SAMD8: variants seen among roughly 807,000 people sequenced by gnomAD.
The protein encoded by SAMD8 is sterile alpha motif domain containing 8.
A neutral mutation model predicts 42.0 loss-of-function variants in SAMD8; 20 were observed. That is an observed-to-expected ratio of 0.48 (90% CI 0.34 to 0.69). The LOEUF (loss-of-function observed/expected upper bound fraction) is 0.69, where lower values mean the gene tolerates loss of function less well. SAMD8 is among the 30% of genes least tolerant of loss of function. The probability of loss-of-function intolerance (pLI) is 0.01; values close to 1 mark genes in which losing one functional copy is unlikely to be tolerated. For missense variants in SAMD8, 328 were observed against 511.6 expected (o/e 0.64, Z 3.46); for synonymous variants, 162 against 173.0 (o/e 0.94, Z 0.50).
chr10:75,170,061 ATC>A (rs1434997914), intron 4 of SAMD8, among the ~76,000 whole-genome samples: 1 of 152,212 alleles, frequency 6.6e-6, no homozygotes, highest in Non-Finnish European at 1.5e-5. Context: ...TACTGTAGAC[ATC>A]TCTTCTCATT....
Position 75,150,784 on chromosome 10 carries a change from A to T in SAMD8, c.256A>T (p.Met86Leu). The T allele has an allele frequency of 6.2e-7, 1 of 1,614,162 alleles. No individual in the cohort carries two copies. The highest frequency in any genetic ancestry group is 1.1e-5 in the South Asian group (1 of 91,082). ...AATACATATTGATGTTTTAGAAGAG[A>T]TGGGCTACAACAGTGACAGTCCCAT... ...QKIHIDVLEEMGYNSDSPMGS... is the reference protein window; with the variant it reads ...QKIHIDVLEELGYNSDSPMGS... Residue 86 changes from methionine (M) to leucine (L), a missense_variant, in exon 2 of 6, where the codon ATG becomes TTG. Around this residue, in one of 2 missense-constraint regions of SAMD8, gnomAD observed 150 missense variants for 186.0 expected, o/e 0.81. Transcript: ENST00000542569.
intron 3 of SAMD8, 63 bp downstream of exon 3, chr10:75,164,803 C>A (rs545238117): frequency 2.6e-6 from 3 of 1,162,320 alleles, no homozygotes; most frequent in Admixed American, 3.5e-5. Context: ...ATCATAAAAT[C>A]TTAACCTTTC....
intron 1 of SAMD8, among the ~76,000 whole-genome samples, chr10:75,149,246 G>T (rs1840223318): frequency 6.6e-6 from 1 of 152,036 alleles, no homozygotes; most frequent in Admixed American, 6.6e-5. Context: ...AACCTGAGAA[G>T]GCCCAAGTAA....
At position 75,111,697 on chromosome 10, in the gene SAMD8, C is replaced by T. The variant is rs1030700482; in HGVS notation, c.-41C>T. The stretch of plus-strand genomic sequence containing the variant: ...TCGGACGCCGACTCGGAGGTGGGTC[C>T]GGGGAGCCCGACTCGGACCGCGGAG... On this transcript the variant is annotated 5_prime_UTR_variant, in exon 1 of 6. Coordinates refer to ENST00000542569, the MANE Select transcript of SAMD8 (RefSeq NM_001174156.2). The T allele has an allele frequency of 2.4e-5, 30 of 1,235,036 alleles. No individual in the cohort carries two copies. The African/African-American group carries it at 4.5e-4, about 19-fold the overall frequency. The allele number at this position is 1,235,036 out of a possible 1,614,324, so 76.5% of individuals were successfully genotyped here. A position where few individuals can be genotyped will look rare whatever the true frequency, so the allele number is the denominator to read the frequency against.
In SAMD8 at chr10:75,129,060, A is replaced by T. The variant is rs539974030; in HGVS notation, c.-16+17338A>T. On this transcript the variant is annotated intron_variant, in intron 1 of 5. Transcript: ENST00000542569. ...CCTAAAAAAAAACCATCTCAACTGG[A>T]TCTTTTTTCCAGTGTGCTTTTCTTC... Among the ~76,000 whole-genome samples the T allele has an allele frequency of 4.0e-5, 6 of 151,684 alleles. 1 individual carries two copies. Among genetic ancestry groups the T allele is most frequent in the Admixed American group, 3.9e-4 (6 of 15,242 alleles).
rs548423689 is a variant in SAMD8, at chr10:75,161,593, C to T, written c.579-3052C>T. The stretch of plus-strand genomic sequence containing the variant: ...ATTGGAAAACAAAATAAGGAGCAGA[C>T]GAACACTTAAAAAAAAACTTTCGTG... On this transcript the variant is annotated intron_variant, in intron 2 of 5. Coordinates refer to ENST00000542569, the MANE Select transcript of SAMD8 (RefSeq NM_001174156.2). Among the ~76,000 whole-genome samples the T allele has an allele frequency of 3.3e-5, 5 of 150,820 alleles. No homozygotes were observed. The South Asian group carries it at 8.4e-4, about 25-fold the overall frequency.
intron 1 of SAMD8, among the ~76,000 whole-genome samples, chr10:75,141,666 C>T (rs1271745257): frequency 2.0e-5 from 3 of 151,268 alleles, no homozygotes; most frequent in Non-Finnish European, 2.9e-5. Flanking sequence ...CTCAGCCTCC[C>T]GAGTAGCTGG....
upstream of SAMD8, chr10:75,108,030 G>A (rs746615295): frequency 1.5e-5 from 24 of 1,613,472 alleles, no homozygotes; most frequent in South Asian, 1.3e-4. Context: ...GAAGTCAGCC[G>A]CAGAGGAGAA....
At position 75,150,504 on chromosome 10, in the gene SAMD8, C is replaced by G. The variant is rs200632819; in HGVS notation, c.-15-10C>G. ...AGCTTTTGTTTTGTTTTCCTGTTTT[C>G]TCTCTACAGGCAGCGGAGGAGGAAA... On this transcript the variant is annotated splice_polypyrimidine_tract_variant and intron_variant, in intron 1 of 5. Coordinates refer to ENST00000542569, the MANE Select transcript of SAMD8 (RefSeq NM_001174156.2). 80 of 1,578,714 alleles carry G rather than the reference C, an allele frequency of 5.1e-5. No homozygotes were observed. In the African/African-American group the frequency reaches 1.1e-3, roughly 21 times the overall value.
chr10:75,155,187 C>T (rs1047347251), intron 2 of SAMD8, among the ~76,000 whole-genome samples: 1 of 152,096 alleles, frequency 6.6e-6, no homozygotes, highest in Non-Finnish European at 1.5e-5. Flanking sequence ...CTACCACCCC[C>T]CAGCCTATTC....
chr10:75,153,067 C>T (rs1383574571), intron 2 of SAMD8, among the ~76,000 whole-genome samples: 9 of 151,946 alleles, frequency 5.9e-5, no homozygotes, highest in Non-Finnish European at 8.8e-5. Flanking sequence ...CTGCAACCTC[C>T]GCCTCCTGGG....
intron 1 of SAMD8, among the ~76,000 whole-genome samples, chr10:75,103,008 G>A (rs1269067454): frequency 6.6e-6 from 1 of 152,148 alleles, no homozygotes; most frequent in East Asian, 1.9e-4. Flanking sequence ...TCCTACTCGG[G>A]AAGCTGAGGT....
chr10:75,115,391 A>T (rs1409159396), intron 1 of SAMD8, among the ~76,000 whole-genome samples: 4 of 152,186 alleles, frequency 2.6e-5, no homozygotes, highest in Non-Finnish European at 5.9e-5. Context: ...TTAACTAAAA[A>T]TAGGAGAGCA....
At chr10:75,114,619 A>G (rs879815678) in intron 1 of SAMD8, among the ~76,000 whole-genome samples, 14 of 152,208 alleles carry the variant, frequency 9.2e-5, no homozygotes, top group Non-Finnish European at 1.6e-4. Context: ...TAAATCACAG[A>G]TGTTTCCATG....
intron 4 of SAMD8, among the ~76,000 whole-genome samples, chr10:75,168,891 G>A (rs924936199): frequency 6.6e-6 from 1 of 152,044 alleles, no homozygotes; most frequent in Non-Finnish European, 1.5e-5. Context: ...AGTTTCTTTC[G>A]GCCGGGCGCA....
In SAMD8 at chr10:75,134,238, C is replaced by T. The variant is rs1849335951; in HGVS notation, c.-15-16276C>T. ...GGATAAATAGCTAATGCGTGCAGGG[C>T]TTAATACCTAGGTGATGGGTTGATA... On this transcript the variant is annotated intron_variant, in intron 1 of 5. Transcript: ENST00000542569. Among the ~76,000 whole-genome samples the T allele has an allele frequency of 2.0e-5, 3 of 152,194 alleles. No homozygotes were observed. The East Asian group carries it at 5.8e-4, about 29-fold the overall frequency.
rs540805515 is a variant in SAMD8, at chr10:75,178,656, G to C, written c.*1964G>C. On this transcript the variant is annotated 3_prime_UTR_variant, in exon 6 of 6. Coordinates refer to ENST00000542569, the MANE Select transcript of SAMD8 (RefSeq NM_001174156.2). ...AGGCAGGAGGATTGCTTGAGGCCAG[G>C]AGTTAGAAACTAGAGTGTGTTATAA... The C allele has an allele frequency of 2.0e-5, 3 of 152,364 alleles. No homozygotes were observed. Among genetic ancestry groups the C allele is most frequent in the Admixed American group, 6.5e-5 (1 of 15,278 alleles). The allele number at this position is 152,364 out of a possible 1,614,324, so 9.4% of individuals were successfully genotyped here. A position where few individuals can be genotyped will look rare whatever the true frequency, so the allele number is the denominator to read the frequency against.
chr10:75,103,809 TCCTCC>T, intron 1 of SAMD8: 1 of 1,091,348 alleles, frequency 9.2e-7, no homozygotes, highest in Non-Finnish European at 1.2e-6. Flanking sequence ...CCTTCCTCTC[TCCTCC>T]CCTCCCCACT....
At chr10:75,105,649 C>A in intron 1 of SAMD8, 1 of 1,546,956 alleles carries the variant, frequency 6.5e-7, no homozygotes, top group South Asian at 1.2e-5. Context: ...GCTTTGCCCC[C>A]TGAGGCCTCA....
Sources: allele counts gnomAD v4.1 joint callset (sites outside exome capture counted in the v4.1 genomes callset), GRCh38; gene constraint gnomAD v4.1.1; regional missense constraint gnomAD v4.1.1; transcripts MANE v1.5; gene names NCBI Gene and HGNC (gene_info 2026-07-23, HGNC 2026-07-21).